The following GRID2 variants were observed in gnomAD, a reference collection of about 807,000 sequenced individuals.
GRID2 encodes glutamate receptor ionotropic, delta-2.
GRID2 carries 33 observed loss-of-function variants against 114.8 expected under a neutral mutation model. That is an observed-to-expected ratio of 0.29 (90% CI 0.22 to 0.38). The LOEUF is 0.38. GRID2 is among the 10% of genes least tolerant of loss of function. The probability of loss-of-function intolerance (pLI) is 1.00; values close to 1 mark genes in which losing one functional copy is unlikely to be tolerated. For synonymous variants in GRID2, 505 were observed against 449.9 expected (o/e 1.12, Z -1.55); for missense variants, 1,184 against 1,257.7 (o/e 0.94, Z 0.89).
At chr4:92,611,064 GTGTGTATATATATA>G (rs1560487979) in intron 2 of GRID2, among the ~76,000 whole-genome samples, 4 of 136,542 alleles carry the variant, frequency 2.9e-5, no homozygotes, top group South Asian at 2.4e-4. Flanking sequence ...ATATATGTGT[GTGTGTATATATATA>G]TGTGTGTATA....
chr4:93,198,107 G>C (rs1036581401), intron 4 of GRID2, among the ~76,000 whole-genome samples: 5 of 151,740 alleles, frequency 3.3e-5, no homozygotes, highest in African/African-American at 7.3e-5. Context: ...GCAACATTTA[G>C]GAAAAAAAAT....
At chr4:92,510,012 T>G (rs1448005866) in intron 1 of GRID2, among the ~76,000 whole-genome samples, 2 of 151,904 alleles carry the variant, frequency 1.3e-5, no homozygotes, top group Non-Finnish European at 2.9e-5. Flanking sequence ...TGACATATAC[T>G]TTCACAGAAT....
At chr4:93,074,357 C>G (rs1452939275) in intron 2 of GRID2, among the ~76,000 whole-genome samples, 1 of 151,944 alleles carries the variant, frequency 6.6e-6, no homozygotes, top group Non-Finnish European at 1.5e-5. Context: ...TGTAAAGCAA[C>G]AAAAATAGAT....
At chr4:92,643,804 A>G (rs1467285033) in intron 2 of GRID2, among the ~76,000 whole-genome samples, 1 of 151,758 alleles carries the variant, frequency 6.6e-6, no homozygotes, top group African/African-American at 2.4e-5. Flanking sequence ...ACATGCCTTG[A>G]TTTCAGAAGA....
intron 1 of GRID2, among the ~76,000 whole-genome samples, chr4:92,394,040 G>T (rs557158293): frequency 6.6e-6 from 1 of 152,174 alleles, no homozygotes; most frequent in South Asian, 2.1e-4. Flanking sequence ...AGGGTGATTT[G>T]GTTTGTATAA....
In GRID2 at chr4:93,638,300, T is replaced by C. The variant is rs568514576; in HGVS notation, c.2360+11865T>C. On this transcript the variant is annotated intron_variant, in intron 14 of 15. Transcript: ENST00000282020. ...TAAGAAAACATATTTAAAACTTGCA[T>C]CTTTTTTTTTTTTTTTTTTAATTAT... is the stretch of plus-strand genomic sequence containing the variant. Among the ~76,000 whole-genome samples, 11 of 86,002 alleles carry C rather than the reference T, an allele frequency of 1.3e-4. 2 individuals carry two copies. The East Asian group carries it at 2.0e-3, about 15-fold the overall frequency. 56.4% of individuals were successfully genotyped at this position (86,002 alleles called of 152,430 possible).
At chr4:93,547,261 G>A (rs1259413575) in intron 13 of GRID2, among the ~76,000 whole-genome samples, 1 of 152,150 alleles carries the variant, frequency 6.6e-6, no homozygotes, top group Non-Finnish European at 1.5e-5. Context: ...TAGTGATGGG[G>A]AATGGGGGAT....
chr4:93,664,064 T>C (rs1313214991), intron 14 of GRID2, among the ~76,000 whole-genome samples: 1 of 152,156 alleles, frequency 6.6e-6, no homozygotes, highest in Non-Finnish European at 1.5e-5. Flanking sequence ...CTCTCTAATA[T>C]GTGAGCAGAA....
At chr4:93,548,832 G>A (rs1355328132) in intron 13 of GRID2, among the ~76,000 whole-genome samples, 1 of 152,000 alleles carries the variant, frequency 6.6e-6, no homozygotes, top group Non-Finnish European at 1.5e-5. Flanking sequence ...CTAATGTACT[G>A]GAACATGGCT....
intron 14 of GRID2, among the ~76,000 whole-genome samples, chr4:93,679,987 G>A (rs1359586020): frequency 2.0e-5 from 3 of 151,072 alleles, no homozygotes; most frequent in Admixed American, 6.6e-5. Context: ...ATGAATCCAG[G>A]AGCTGGTTTT....
intron 1 of GRID2, among the ~76,000 whole-genome samples, chr4:92,403,269 G>A (rs1730873497): frequency 6.6e-6 from 1 of 152,104 alleles, no homozygotes; most frequent in Non-Finnish European, 1.5e-5. Context: ...CACTTGAGTA[G>A]TACTTTTAAT....
downstream of GRID2, among the ~76,000 whole-genome samples, chr4:93,779,116 C>T (rs1734429391): frequency 6.6e-6 from 1 of 151,934 alleles, no homozygotes; most frequent in Non-Finnish European, 1.5e-5. Context: ...GCTCAATCAC[C>T]AATCATGAAT....
chr4:92,924,138 C>G (rs1050135637), intron 2 of GRID2, among the ~76,000 whole-genome samples: 9 of 152,250 alleles, frequency 5.9e-5, no homozygotes, highest in African/African-American at 2.2e-4. Context: ...TCTCAGCAAA[C>G]TATCACAAGG....
At chr4:93,270,204 T>A (rs188962892) in intron 8 of GRID2, among the ~76,000 whole-genome samples, 96 of 124,224 alleles carry the variant, frequency 7.7e-4, no homozygotes, top group African/African-American at 3.0e-3. Flanking sequence ...TCTCTCTCTC[T>A]CACACACACA....
intron 8 of GRID2, chr4:93,259,015 C>A: frequency 2.5e-6 from 1 of 406,342 alleles, no homozygotes; most frequent in South Asian, 1.8e-5. Flanking sequence ...GAAAATGAGT[C>A]TTCACAGAAA....
intron 4 of GRID2, among the ~76,000 whole-genome samples, chr4:93,124,735 A>G (rs1282204735): frequency 1.3e-5 from 2 of 152,174 alleles, no homozygotes; most frequent in Non-Finnish European, 2.9e-5. Flanking sequence ...TTACAATTCT[A>G]TCCAGACTTT....
intron 2 of GRID2, among the ~76,000 whole-genome samples, chr4:92,919,022 T>C (rs1749069225): frequency 6.6e-6 from 1 of 152,226 alleles, no homozygotes; most frequent in African/African-American, 2.4e-5. Context: ...ATTGCCTCAA[T>C]TTCAGATCCT....
At position 93,026,591 on chromosome 4, in the gene GRID2, T is replaced by C. The variant is rs114780405; in HGVS notation, c.245-58404T>C. On this transcript the variant is annotated intron_variant, in intron 2 of 15. Transcript: ENST00000282020. Reference sequence around the variant, plus strand: ...CAGATTTACTTTGATGGTACAGAAATAGAATCATGTAGAAGAGGATATTTT... The same window carrying C: ...CAGATTTACTTTGATGGTACAGAAACAGAATCATGTAGAAGAGGATATTTT... Among the ~76,000 whole-genome samples, 769 of 151,964 alleles carry C rather than the reference T, an allele frequency of 5.1e-3. 1 individual carries two copies. The highest frequency in any genetic ancestry group is 0.018 in the African/African-American group (735 of 41,522).
chr4:93,793,619 C>T (rs1734740065), intron 1 of GRID2, among the ~76,000 whole-genome samples: 1 of 152,126 alleles, frequency 6.6e-6, no homozygotes, highest in African/African-American at 2.4e-5. Context: ...TAATTGTCTT[C>T]TGAAATTGTA....
Sources: allele counts gnomAD v4.1 joint callset (sites outside exome capture counted in the v4.1 genomes callset), GRCh38; gene constraint gnomAD v4.1.1; transcripts MANE v1.5; gene names NCBI Gene and HGNC (gene_info 2026-07-23, HGNC 2026-07-21).